The following LRMDA variants were observed in gnomAD, a reference collection of about 807,000 sequenced individuals.
LRMDA encodes the protein leucine-rich melanocyte differentiation-associated protein.
A neutral mutation model predicts 29.8 loss-of-function variants in LRMDA; 18 were observed. That is an observed-to-expected ratio of 0.60 (90% CI 0.42 to 0.90). LRMDA has a LOEUF of 0.90. LRMDA is among the 40% of genes least tolerant of loss of function. The probability of loss-of-function intolerance (pLI) is 0.00; values close to 1 mark genes in which losing one functional copy is unlikely to be tolerated. For synonymous variants in LRMDA, 125 were observed against 109.4 expected (o/e 1.14, Z -0.89); for missense variants, 273 against 273.9 (o/e 1.00, Z 0.02).
At chr10:75,907,126 G>A (rs1326761938) in intron 2 of LRMDA, among the ~76,000 whole-genome samples, 3 of 152,198 alleles carry the variant, frequency 2.0e-5, no homozygotes, top group Non-Finnish European at 4.4e-5. Flanking sequence ...AGGAGAGAGA[G>A]AATGTGTGTG....
intron 2 of LRMDA, among the ~76,000 whole-genome samples, chr10:75,848,754 G>A (rs1261729995): frequency 6.6e-6 from 1 of 152,162 alleles, no homozygotes; most frequent in Non-Finnish European, 1.5e-5. Context: ...GGGAGGAAGA[G>A]CAAGAGCAGA....
chr10:76,451,188 T>C (rs749194012), intron 6 of LRMDA, among the ~76,000 whole-genome samples: 86 of 152,076 alleles, frequency 5.7e-4, no homozygotes, highest in Non-Finnish European at 8.8e-4. Flanking sequence ...AGCATTCTTC[T>C]GTGTGTTTCT....
At position 76,194,317 on chromosome 10, in the gene LRMDA, G is replaced by GA. The variant is rs567414093; in HGVS notation, c.517-130080dup. On this transcript the variant is annotated intron_variant, in intron 5 of 6. Coordinates refer to ENST00000611255, the MANE Select transcript of LRMDA (RefSeq NM_001305581.2). ...TCCCATGCCCTTGGAAAATGGAAGG[G>GA]AAAATCTGAGGCTCCTAACACTTCT... Among the ~76,000 whole-genome samples, 8 of 152,300 alleles carry GA rather than the reference G, an allele frequency of 5.3e-5. No individual in the cohort carries two copies. In the South Asian group the frequency reaches 1.5e-3, roughly 28 times the overall value.
chr10:75,537,937 A>G (rs1457674234), intron 2 of LRMDA, among the ~76,000 whole-genome samples: 5 of 152,262 alleles, frequency 3.3e-5, no homozygotes, highest in Admixed American at 3.3e-4. Flanking sequence ...CTAACCGTGT[A>G]TATACCCTGG....
At chr10:76,491,134 T>C (rs1842830240) in intron 6 of LRMDA, among the ~76,000 whole-genome samples, 1 of 152,004 alleles carries the variant, frequency 6.6e-6, no homozygotes, top group Non-Finnish European at 1.5e-5. Context: ...AATCTCTATG[T>C]CTTGAAAAGT....
intron 2 of LRMDA, among the ~76,000 whole-genome samples, chr10:75,969,058 G>A (rs2132436838): frequency 6.6e-6 from 1 of 152,240 alleles, no homozygotes; most frequent in African/African-American, 2.4e-5. Context: ...GCTTTCCTAA[G>A]CCACACTGAC....
At chr10:76,483,070 T>A (rs762322840) in intron 6 of LRMDA, among the ~76,000 whole-genome samples, 1 of 152,018 alleles carries the variant, frequency 6.6e-6, no homozygotes, top group African/African-American at 2.4e-5. Context: ...GTTCATTTTT[T>A]AAAATTGAAT....
intron 5 of LRMDA, among the ~76,000 whole-genome samples, chr10:76,230,879 T>C (rs1454142519): frequency 6.6e-6 from 1 of 152,222 alleles, no homozygotes; most frequent in Non-Finnish European, 1.5e-5. Flanking sequence ...ATAATGTGAT[T>C]CTGGTAATAA....
chr10:75,559,715 T>G (rs1840266287), intron 2 of LRMDA, among the ~76,000 whole-genome samples: 1 of 148,046 alleles, frequency 6.8e-6, no homozygotes, highest in East Asian at 2.0e-4. Context: ...TTGTATAAGG[T>G]GTAAGGAAGG....
At chr10:76,230,544 G>A (rs1362525709) in intron 5 of LRMDA, among the ~76,000 whole-genome samples, 2 of 138,546 alleles carry the variant, frequency 1.4e-5, no homozygotes, top group African/African-American at 5.2e-5. Context: ...ATTTTTCACT[G>A]TTAAGAGGGC....
chr10:76,358,679 T>C (rs778725636), intron 6 of LRMDA, among the ~76,000 whole-genome samples: 8 of 152,186 alleles, frequency 5.3e-5, no homozygotes, highest in African/African-American at 7.2e-5. Flanking sequence ...GGTGAAATAA[T>C]TCATAACCTT....
chr10:76,289,139 A>C (rs1840307964), intron 5 of LRMDA, among the ~76,000 whole-genome samples: 1 of 152,216 alleles, frequency 6.6e-6, no homozygotes, highest in African/African-American at 2.4e-5. Flanking sequence ...CATTGATGGT[A>C]TCTTTCTCTA....
intron 2 of LRMDA, among the ~76,000 whole-genome samples, chr10:75,515,824 A>C (rs960640983): frequency 6.6e-6 from 1 of 151,874 alleles, no homozygotes; most frequent in Non-Finnish European, 1.5e-5. Flanking sequence ...TTTACATTAG[A>C]TATTTCTCCT....
chr10:76,087,761 C>T (rs1213382927), intron 5 of LRMDA, among the ~76,000 whole-genome samples: 1 of 152,140 alleles, frequency 6.6e-6, no homozygotes, highest in Non-Finnish European at 1.5e-5. Context: ...AAAGATAAAC[C>T]AGCAATCATT....
chr10:75,494,933 G>A (rs1232449132), intron 2 of LRMDA, among the ~76,000 whole-genome samples: 1 of 152,154 alleles, frequency 6.6e-6, no homozygotes, highest in Non-Finnish European at 1.5e-5. Flanking sequence ...ATGGCAACTA[G>A]AAGTCCAGCC....
chr10:75,853,560 T>C (rs1030301286), intron 2 of LRMDA, among the ~76,000 whole-genome samples: 8 of 152,132 alleles, frequency 5.3e-5, no homozygotes, highest in African/African-American at 1.9e-4. Flanking sequence ...GTTCTGGTGT[T>C]GGGGTTAGTT....
rs551296282 is a variant in LRMDA at position 75,909,464 on chromosome 10, C to T, written c.132-126544C>T. ...GATGCTGTGGCGTATCCTCTGAAAACCCACAGAGACAGATTCAAGCCCAAA... is the reference window on the plus strand; with the variant it reads ...GATGCTGTGGCGTATCCTCTGAAAATCCACAGAGACAGATTCAAGCCCAAA... On this transcript the variant is annotated intron_variant, in intron 2 of 6. Transcript: ENST00000611255. Among the ~76,000 whole-genome samples the T allele has an allele frequency of 2.0e-5, 3 of 152,204 alleles. No homozygotes were observed. In the South Asian group the frequency reaches 6.2e-4, roughly 32 times the overall value.
intron 5 of LRMDA, among the ~76,000 whole-genome samples, chr10:76,086,595 ACCAAGTC>A (rs1489512918): frequency 1.3e-5 from 2 of 152,202 alleles, no homozygotes; most frequent in Non-Finnish European, 2.9e-5. Context: ...GTAAGTGTTC[ACCAAGTC>A]CCTTCTCTGT....
At chr10:75,810,321 A>C (rs1216446279) in intron 2 of LRMDA, among the ~76,000 whole-genome samples, 1 of 152,204 alleles carries the variant, frequency 6.6e-6, no homozygotes, top group Non-Finnish European at 1.5e-5. Context: ...TGTGCAGGGC[A>C]GACTGGGTAG....
Sources: gnomAD v4.1 joint callset for allele counts (sites outside exome capture counted in the v4.1 genomes callset) on GRCh38, gnomAD v4.1.1 for gene constraint, MANE v1.5 for transcripts, NCBI Gene and HGNC (gene_info 2026-07-23, HGNC 2026-07-21) for gene names.